Variants in WNT5B observed in about 807,000 individuals in gnomAD.
WNT5B encodes the protein Wnt family member 5B, also known as protein Wnt-5b.
WNT5B carries 18 observed loss-of-function variants against 36.5 expected under a neutral mutation model. The observed-to-expected ratio is 0.49, with a 90% confidence interval of 0.34 to 0.73. WNT5B has a LOEUF of 0.73. WNT5B is among the 30% of genes least tolerant of loss of function. WNT5B has a pLI of 0.01. For synonymous variants in WNT5B, 213 were observed against 212.3 expected (o/e 1.00, Z -0.03); for missense variants, 424 against 508.4 (o/e 0.83, Z 1.60).
At chr12:1,621,742 A>C in intron 1 of WNT5B, among the ~76,000 whole-genome samples, 1 of 145,572 alleles carries the variant, frequency 6.9e-6, no homozygotes, top group Admixed American at 7.0e-5. Flanking sequence ...ATGAGGCCTC[A>C]CTATGTCGGC....
upstream of WNT5B, among the ~76,000 whole-genome samples, chr12:1,626,322 G>A (rs908593524): frequency 2.6e-4 from 39 of 151,286 alleles, no homozygotes; most frequent in African/African-American, 8.3e-4. Flanking sequence ...GGAGTGCAAT[G>A]GCGCAGTCTC....
chr12:1,639,361 A>G (rs1215795703), intron 3 of WNT5B, among the ~76,000 whole-genome samples: 1 of 152,076 alleles, frequency 6.6e-6, no homozygotes, highest in Non-Finnish European at 1.5e-5. Context: ...GCTGGTCTCG[A>G]TCTCCTGACC....
In WNT5B at chr12:1,639,923, G is replaced by C. The variant is rs1261181382; in HGVS notation, c.568G>C (p.Glu190Gln). ...AGAGAAGAACTTTGCCAAAGGATCAGAGGAGCAGGGCCGGGTGCTCATGAA... is the reference window on the plus strand; with the variant it reads ...AGAGAAGAACTTTGCCAAAGGATCACAGGAGCAGGGCCGGGTGCTCATGAA... Reference protein sequence around the residue: ...EREKNFAKGSEEQGRVLMNLQ... With the variant: ...EREKNFAKGSQEQGRVLMNLQ... Residue 190 changes from glutamate (E) to glutamine (Q), a missense_variant, in exon 4 of 5, where the codon GAG (glutamate) becomes CAG (glutamine). By Grantham distance (29) the Glu-to-Gln change is conservative. Coordinates refer to ENST00000397196, the MANE Select transcript of WNT5B (RefSeq NM_032642.3). 6.2e-7 allele frequency: 1 copy of C among 1,614,072 alleles called. No individual in the cohort carries two copies. The highest frequency in any genetic ancestry group is 2.2e-5 in the East Asian group (1 of 44,862).
chr12:1,630,152 C>T lies in WNT5B; in HGVS notation c.-58+781C>T. 1.0e-6 allele frequency: 1 copy of T among 985,586 alleles called. No individual in the cohort carries two copies. Among genetic ancestry groups the T allele is most frequent in the Admixed American group, 6.1e-5 (1 of 16,290 alleles). 61.1% of individuals were successfully genotyped at this position (985,586 alleles called of 1,614,324 possible). A position where few individuals can be genotyped will look rare whatever the true frequency, so the allele number is the denominator to read the frequency against. Reference sequence around the variant, plus strand: ...GATGACCCGAAGCACCCGCCGCCCCCTCCCGGGGAGCCTGGGGACGCCGAC... The same window carrying T: ...GATGACCCGAAGCACCCGCCGCCCCTTCCCGGGGAGCCTGGGGACGCCGAC... On this transcript the variant is annotated intron_variant, in intron 1 of 4. Transcript: ENST00000397196. The surrounding 1 kb of genome is among the most constrained non-coding windows in gnomAD (Gnocchi z 5.3).
chr12:1,622,735 T>C (rs182670715), intron 1 of WNT5B, among the ~76,000 whole-genome samples: 2 of 152,276 alleles, frequency 1.3e-5, no homozygotes, highest in East Asian at 1.9e-4. Context: ...TCCTATCCAC[T>C]GGGGAGAAAA....
rs1371265273 is a variant in WNT5B at position 1,632,434 on chromosome 12, G to A, written c.81-224G>A. Among the ~76,000 whole-genome samples, 2 of 152,150 alleles carry A rather than the reference G, an allele frequency of 1.3e-5. No homozygotes were observed. The highest frequency in any genetic ancestry group is 4.8e-5 in the African/African-American group (2 of 41,420). ...CAGCAGATCCAGAAGCATATCCAGAGTCTGTCTGGGGCATTTGGCATCTCG... is the reference window on the plus strand; with the variant it reads ...CAGCAGATCCAGAAGCATATCCAGAATCTGTCTGGGGCATTTGGCATCTCG... On this transcript the variant is annotated intron_variant, in intron 2 of 4. Coordinates refer to ENST00000397196, the MANE Select transcript of WNT5B (RefSeq NM_032642.3). The surrounding 1 kb of genome is among the most constrained non-coding windows in gnomAD (Gnocchi z 5.8).
intron 3 of WNT5B, among the ~76,000 whole-genome samples, chr12:1,637,339 C>T (rs903546689): frequency 3.3e-5 from 5 of 152,050 alleles, no homozygotes; most frequent in African/African-American, 1.2e-4. Flanking sequence ...GGCATACTTT[C>T]GAGATATTGT....
rs190705769 is a variant in WNT5B, at chr12:1,639,891, G to C, written c.536G>C (p.Arg179Pro). ...YRFAKEFVDA[R>P]EREKNFAKGS... ...TTCGCCAAGGAGTTTGTGGATGCCC[G>C]GGAGCGAGAGAAGAACTTTGCCAAA... The change falls in exon 4 of 5, where the codon CGG (arginine) becomes CCG (proline). Residue 179 changes from arginine (R) to proline (P), a missense_variant. Arg to Pro is a moderately radical substitution (Grantham distance 103). Coordinates refer to ENST00000397196, the MANE Select transcript of WNT5B (RefSeq NM_032642.3). 1.9e-6 allele frequency: 3 copies of C among 1,613,934 alleles called. No individual in the cohort carries two copies. Among genetic ancestry groups the C allele is most frequent in the Non-Finnish European group, 2.5e-6 (3 of 1,179,972 alleles).
chr12:1,623,732 T>A (rs2154439320), intron 1 of WNT5B, among the ~76,000 whole-genome samples: 2 of 152,326 alleles, frequency 1.3e-5, no homozygotes, highest in Middle Eastern at 6.8e-3. Flanking sequence ...CACCTCTGCA[T>A]CTTCCATGAG....
At position 1,646,017 on chromosome 12, in the gene WNT5B, A is replaced by C. The variant is rs1326566207; in HGVS notation, c.845A>C (p.Asp282Ala). ...QPTPEDLVYVDPSPDYCLRNE... is the reference protein window; with the variant it reads ...QPTPEDLVYVAPSPDYCLRNE... ...ACCCCGGAGGACCTGGTCTATGTGG[A>C]CCCCAGCCCCGACTACTGCCTGCGC... Residue 282 changes from aspartate to alanine, a missense_variant, in exon 5 of 5, where the codon GAC becomes GCC. By Grantham distance (126) the Asp-to-Ala change is moderately radical. Transcript: ENST00000397196. 2 of 1,612,476 alleles carry C rather than the reference A, an allele frequency of 1.2e-6. No homozygotes were observed. The highest frequency in any genetic ancestry group is 3.3e-5 in the Admixed American group (2 of 60,008).
chr12:1,632,826 C>A lies in WNT5B; in HGVS notation c.249C>A (p.Cys83Ter). 2 of 1,614,146 alleles carry A rather than the reference C, an allele frequency of 1.2e-6. No homozygotes were observed. The highest frequency in any genetic ancestry group is 1.7e-6 in the Non-Finnish European group (2 of 1,180,014). ...GEGAKTGIKE[C>*]QHQFRQRRWN... ...GAGCCAAGACTGGCATCAAGGAATGCCAGCACCAGTTCCGGCAGCGGCGGT... is the reference window on the plus strand; with the variant it reads ...GAGCCAAGACTGGCATCAAGGAATGACAGCACCAGTTCCGGCAGCGGCGGT... Residue 83 changes from cysteine to a stop codon, truncating the protein, a stop_gained, in exon 3 of 5, where the codon TGC becomes TGA. Transcript: ENST00000397196. LOFTEE classifies it high-confidence loss of function. The surrounding 1 kb of genome is among the most constrained non-coding windows in gnomAD (Gnocchi z 5.8).
At chr12:1,628,300 C>T (rs1021200365), upstream of WNT5B, among the ~76,000 whole-genome samples, 5 of 152,126 alleles carry the variant, frequency 3.3e-5, no homozygotes, top group African/African-American at 1.2e-4. Context: ...CGACTGCAGG[C>T]ATGTGCCACC....
chr12:1,631,114 GAGAC>G (rs1440017705), intron 1 of WNT5B, 180 bp from the exon 2 acceptor site: 2 of 423,912 alleles, frequency 4.7e-6, no homozygotes, highest in Admixed American at 3.7e-5. Flanking sequence ...TTTGGGGTAA[GAGAC>G]AGAAGTCCTA....
rs1054795330 is a variant in WNT5B at position 1,646,796 on chromosome 12, C to T, written c.*544C>T. On this transcript the variant is annotated 3_prime_UTR_variant, in exon 5 of 5. Transcript: ENST00000397196. ...CGGCATCTGCAGTTTACAGGAACGG[C>T]TCCTTCCCTAAAATGAGAAGTCCAA... 2.0e-5 allele frequency: 3 copies of T among 152,230 alleles called. No homozygotes were observed. Among genetic ancestry groups the T allele is most frequent in the African/African-American group, 7.2e-5 (3 of 41,432 alleles). 9.4% of individuals were successfully genotyped at this position (152,230 alleles called of 1,614,324 possible).
Position 1,646,042 on chromosome 12 carries a change from C to T in WNT5B, c.870C>T (p.Arg290=), listed in dbSNP as rs760873183. The change falls in exon 5 of 5, where the codon CGC becomes CGT. Residue 290 remains arginine, a synonymous_variant. Transcript: ENST00000397196. ...YVDPSPDYCL[R]NESTGSLGTQ... ...ACCCCAGCCCCGACTACTGCCTGCG[C>T]AACGAGAGCACGGGCTCCCTGGGCA... 3.7e-6 allele frequency: 6 copies of T among 1,613,364 alleles called. No homozygotes were observed. Among genetic ancestry groups the T allele is most frequent in the Non-Finnish European group, 5.1e-6 (6 of 1,180,004 alleles).
rs1261537618 is a variant in WNT5B, at chr12:1,631,251, T to A, written c.-57-47T>A. The A allele has an allele frequency of 4.5e-6, 7 of 1,543,714 alleles. No homozygotes were observed. In the East Asian group the frequency reaches 1.6e-4, roughly 35 times the overall value. On this transcript the variant is annotated intron_variant, in intron 1 of 4. Coordinates refer to ENST00000397196, the MANE Select transcript of WNT5B (RefSeq NM_032642.3). Reference sequence around the variant, plus strand: ...CCTCACCCCGGCTCCTGGTCTGCCCTTATCCGCTGAGTTTCCACACTGACT... The same window carrying A: ...CCTCACCCCGGCTCCTGGTCTGCCCATATCCGCTGAGTTTCCACACTGACT...
intron 1 of WNT5B, among the ~76,000 whole-genome samples, chr12:1,629,746 C>T (rs1226561946): frequency 6.6e-6 from 1 of 151,216 alleles, no homozygotes; most frequent in Non-Finnish European, 1.5e-5. Context: ...CTCCATCTCT[C>T]GTGGTTCCAG....
chr12:1,627,611 A>G (rs1487339482), upstream of WNT5B, among the ~76,000 whole-genome samples: 3 of 152,164 alleles, frequency 2.0e-5, no homozygotes, highest in African/African-American at 7.2e-5. This position sits in a 1 kb window ranked among gnomAD's most constrained non-coding sequence, Gnocchi z 5.0. Flanking sequence ...CCTAGCAGAA[A>G]AAGGAGGAGA....
chr12:1,638,512 G>T (rs1000212873), intron 3 of WNT5B, among the ~76,000 whole-genome samples: 2 of 152,180 alleles, frequency 1.3e-5, no homozygotes, highest in African/African-American at 4.8e-5. Context: ...CTGTCTTTTT[G>T]ATGATAGCCA....
Sources: allele counts gnomAD v4.1 joint callset (sites outside exome capture counted in the v4.1 genomes callset), GRCh38; gene constraint gnomAD v4.1.1; non-coding constraint Gnocchi (gnomAD v3.1); transcripts MANE v1.5; gene names NCBI Gene and HGNC (gene_info 2026-07-23, HGNC 2026-07-21).